TLN2: variants seen among roughly 807,000 people sequenced by gnomAD.
TLN2 encodes talin-2.
Under a neutral mutation model 294.7 loss-of-function variants are expected in TLN2, and 118 were observed. The ratio of observed to expected loss-of-function variants is 0.40; its 90% CI spans 0.34 to 0.47. The LOEUF is 0.47. TLN2 is among the 20% of genes least tolerant of loss of function. The pLI, the probability that TLN2 is intolerant of heterozygous loss-of-function variation, is 0.84. For missense variants in TLN2, 3,083 were observed against 3,282.2 expected (o/e 0.94, Z 1.48); for synonymous variants, 1,431 against 1,304.5 (o/e 1.10, Z -2.09).
chr15:62,725,098 G>A lies in TLN2; in HGVS notation c.3249G>A (p.Gly1083=). 3 of 1,611,112 alleles carry A rather than the reference G, an allele frequency of 1.9e-6. No homozygotes were observed. The highest frequency in any genetic ancestry group is 2.5e-6 in the Non-Finnish European group (3 of 1,178,590). The change falls in exon 27 of 59, where the codon GGG becomes GGA. Residue 1083 remains glycine, a synonymous_variant. Transcript: ENST00000636159. ...AVESQLKPLP[G]ETLEKCAQDL... ...AGAGCCAGCTGAAGCCACTTCCAGG[G>A]GAAACGGTGAGCTGTTAGAGCCAGC...
At chr15:62,410,219 G>A (rs574351481) in intron 1 of TLN2, among the ~76,000 whole-genome samples, 1 of 151,940 alleles carries the variant, frequency 6.6e-6, no homozygotes, top group South Asian at 2.1e-4. Context: ...TCCACCTTGG[G>A]TGACAGAGCG....
At chr15:62,510,145 T>C (rs1331457541) in intron 1 of TLN2, among the ~76,000 whole-genome samples, 1 of 152,196 alleles carries the variant, frequency 6.6e-6, no homozygotes, top group Non-Finnish European at 1.5e-5. Context: ...TGGTAAGATG[T>C]GGTCCCAGTA....
At chr15:62,837,584 AT>A (rs1418653989) in intron 57 of TLN2, among the ~76,000 whole-genome samples, 1 of 152,140 alleles carries the variant, frequency 6.6e-6, no homozygotes, top group Non-Finnish European at 1.5e-5. Flanking sequence ...GGATGTTGCA[AT>A]GTTTTATTTG....
rs539368681 is a variant in TLN2, at chr15:62,402,787, T to C, written c.-238+12102T>C. Among the ~76,000 whole-genome samples the C allele has an allele frequency of 7.5e-4, 115 of 152,334 alleles. 1 individual carries two copies. In the South Asian group the frequency reaches 0.023, roughly 31 times the overall value. ...AGAAGCTACTTTCATCATCTTCCTA[T>C]ACTAAACTTACTAACCTACCAGCAC... On this transcript the variant is annotated intron_variant, in intron 1 of 58. Coordinates refer to ENST00000636159, the MANE Select transcript of TLN2 (RefSeq NM_015059.3).
chr15:62,609,184 T>G (rs2047704532), intron 2 of TLN2, among the ~76,000 whole-genome samples: 1 of 152,188 alleles, frequency 6.6e-6, no homozygotes, highest in South Asian at 2.1e-4. Context: ...TTTGAAACAA[T>G]CACAGACTCA....
At chr15:62,588,689 TATATA>T (rs2045846316) in intron 1 of TLN2, among the ~76,000 whole-genome samples, 2 of 135,790 alleles carry the variant, frequency 1.5e-5, no homozygotes, top group African/African-American at 5.6e-5. Context: ...TATATATATA[TATATA>T]TATATATATA....
At chr15:62,806,447 G>C (rs1347867084) in intron 51 of TLN2, among the ~76,000 whole-genome samples, 1 of 152,182 alleles carries the variant, frequency 6.6e-6, no homozygotes, top group East Asian at 1.9e-4. Flanking sequence ...CTCTTCCGCT[G>C]GACCCTTGTT....
At chr15:62,717,383 C>G (rs1232340985) in intron 23 of TLN2, among the ~76,000 whole-genome samples, 193 bp from the exon 24 acceptor site, 1 of 152,140 alleles carries the variant, frequency 6.6e-6, no homozygotes, top group East Asian at 1.9e-4. Context: ...TGTCACTTGT[C>G]TCAGAGGACG....
chr15:62,646,043 C>G (rs780712795), intron 3 of TLN2, among the ~76,000 whole-genome samples: 1 of 152,116 alleles, frequency 6.6e-6, no homozygotes, highest in Non-Finnish European at 1.5e-5. Flanking sequence ...CCGTGAGCCA[C>G]CAACTCAAAG....
In TLN2 at chr15:62,573,694, T is replaced by C. The variant is rs578227886; in HGVS notation, c.-237-15993T>C. 2.6e-5 allele frequency among the ~76,000 whole-genome samples: 4 copies of C among 152,064 alleles called. No homozygotes were observed. In the Middle Eastern group the frequency reaches 0.01, roughly 399 times the overall value. On this transcript the variant is annotated intron_variant, in intron 1 of 58. Coordinates refer to ENST00000636159, the MANE Select transcript of TLN2 (RefSeq NM_015059.3). ...CCCAGGAACCCCCTTCCCTCCCTAG[T>C]GCATGGTTTCTGCTGTCCCTTTTGC... is the stretch of plus-strand genomic sequence containing the variant.
At chr15:62,618,573 A>G (rs974643185) in intron 3 of TLN2, 98 bp downstream of exon 3, 9 of 152,268 alleles carry the variant, frequency 5.9e-5, no homozygotes, top group Admixed American at 1.3e-4. Context: ...AGCTAGGTAC[A>G]CTAATACACT....
chr15:62,646,579 A>T (rs978574953), intron 3 of TLN2, among the ~76,000 whole-genome samples: 1 of 152,208 alleles, frequency 6.6e-6, no homozygotes, highest in Non-Finnish European at 1.5e-5. Flanking sequence ...AATCACGTGA[A>T]GCTTCTTGGT....
Position 62,763,641 on chromosome 15 carries a change from C to G in TLN2, c.5040C>G (p.Ala1680=). The change falls in exon 40 of 59, where the codon GCC becomes GCG. Residue 1680 remains alanine, a synonymous_variant. Transcript: ENST00000636159. ...INRCIRDIEQ[A]SLAAVSQSLA... The stretch of plus-strand genomic sequence containing the variant: ...GGTGCATCCGGGACATCGAGCAGGC[C>G]TCGCTGGCCGCCGTCAGCCAGAGCC... 3 of 1,613,314 alleles carry G rather than the reference C, an allele frequency of 1.9e-6. No homozygotes were observed. Among genetic ancestry groups the G allele is most frequent in the Non-Finnish European group, 1.7e-6 (2 of 1,179,810 alleles).
Position 62,473,368 on chromosome 15 carries a change from G to T in TLN2, c.-238+82683G>T, listed in dbSNP as rs549069266. Reference sequence around the variant, plus strand: ...TGTCTTTTTTTTTTTTTAAGTGCTCGATTTCCATATACATACAGAAGAGTA... The same window carrying T: ...TGTCTTTTTTTTTTTTTAAGTGCTCTATTTCCATATACATACAGAAGAGTA... On this transcript the variant is annotated intron_variant, in intron 1 of 58. Coordinates refer to ENST00000636159, the MANE Select transcript of TLN2 (RefSeq NM_015059.3). 9.9e-5 allele frequency among the ~76,000 whole-genome samples: 15 copies of T among 151,060 alleles called. No individual in the cohort carries two copies. In the South Asian group the frequency reaches 2.9e-3, roughly 29 times the overall value.
intron 58 of TLN2, among the ~76,000 whole-genome samples, chr15:62,839,878 C>T (rs887658419): frequency 5.9e-5 from 9 of 152,194 alleles, no homozygotes; most frequent in Admixed American, 2.6e-4. Flanking sequence ...TAATGATAGT[C>T]GGTAGCCTAG....
rs537618712 is a variant in TLN2 at position 62,689,703 on chromosome 15, C to G, written c.1113+2907C>G. 5.9e-4 allele frequency among the ~76,000 whole-genome samples: 89 copies of G among 151,702 alleles called. 1 individual carries two copies. In the East Asian group the frequency reaches 7.0e-3, roughly 12 times the overall value. On this transcript the variant is annotated intron_variant, in intron 12 of 58. Coordinates refer to ENST00000636159, the MANE Select transcript of TLN2 (RefSeq NM_015059.3). ...TTTTAGTATCTGAAAAGTGTCATGC[C>G]ACTTCTTTCTTACCTCCATGGTTTC...
intron 1 of TLN2, among the ~76,000 whole-genome samples, chr15:62,490,099 T>C (rs1463727966): frequency 6.6e-6 from 1 of 152,168 alleles, no homozygotes; most frequent in African/African-American, 2.4e-5. Flanking sequence ...TCAGCAGTGA[T>C]TTTAGCATAT....
At chr15:62,833,847 A>G in intron 55 of TLN2, 2 of 524,596 alleles carry the variant, frequency 3.8e-6, no homozygotes, top group Non-Finnish European at 6.3e-6. Flanking sequence ...CTTCTTGTTA[A>G]GGAAAGCATC....
At chr15:62,564,885 G>A (rs2043252496) in intron 1 of TLN2, among the ~76,000 whole-genome samples, 1 of 139,892 alleles carries the variant, frequency 7.1e-6, no homozygotes, top group Admixed American at 7.3e-5. Flanking sequence ...TCCTGCCTGG[G>A]TGACAGAAAA....
Sources: allele counts gnomAD v4.1 joint callset (sites outside exome capture counted in the v4.1 genomes callset), GRCh38; gene constraint gnomAD v4.1.1; transcripts MANE v1.5; gene names NCBI Gene and HGNC (gene_info 2026-07-23, HGNC 2026-07-21).